The following GRXCR1 variants were observed in gnomAD, a reference collection of about 807,000 sequenced individuals.
GRXCR1 encodes glutaredoxin domain-containing cysteine-rich protein 1.
In GRXCR1, 27 loss-of-function variants were observed where a neutral mutation model predicts 27.3. The ratio of observed to expected loss-of-function variants is 0.99; its 90% CI spans 0.73 to 1.37. The LOEUF (loss-of-function observed/expected upper bound fraction) is 1.37. Ranked by LOEUF, GRXCR1 falls within the 40% of genes most tolerant of loss-of-function variation. The pLI, the probability that GRXCR1 is intolerant of heterozygous loss-of-function variation, is 0.00. For synonymous variants in GRXCR1, 122 were observed against 131.1 expected (o/e 0.93, Z 0.47); for missense variants, 379 against 354.4 (o/e 1.07, Z -0.56).
At chr4:42,924,055 C>T (rs1027215664) in intron 1 of GRXCR1, among the ~76,000 whole-genome samples, 1 of 152,058 alleles carries the variant, frequency 6.6e-6, no homozygotes, top group African/African-American at 2.4e-5. Context: ...AAGCAATTCC[C>T]TAGCTCACCT....
At chr4:42,996,335 G>C (rs1012256233) in intron 2 of GRXCR1, among the ~76,000 whole-genome samples, 30 of 152,096 alleles carry the variant, frequency 2.0e-4, no homozygotes, top group African/African-American at 7.2e-4. Context: ...ACACATTATG[G>C]CAGGATAGAA....
chr4:43,005,970 C>A (rs1187358770), intron 2 of GRXCR1, among the ~76,000 whole-genome samples: 3 of 152,168 alleles, frequency 2.0e-5, no homozygotes, highest in South Asian at 2.1e-4. Context: ...GAAGCCATGG[C>A]AGAAGAATGT....
chr4:43,030,623 G>T lies in GRXCR1; in HGVS notation c.*83G>T. 1 of 1,084,740 alleles carries T rather than the reference G, an allele frequency of 9.2e-7. No homozygotes were observed. The highest frequency in any genetic ancestry group is 1.4e-6 in the Non-Finnish European group (1 of 722,130). The allele number at this position is 1,084,740 out of a possible 1,614,324, so 67.2% of individuals were successfully genotyped here. On this transcript the variant is annotated 3_prime_UTR_variant, in exon 4 of 4. Coordinates refer to ENST00000399770, the MANE Select transcript of GRXCR1 (RefSeq NM_001080476.3). ...TATATATATATTTTTAAATGGTTAT[G>T]TTTATGGATTAATCAATAAACTTTG...
chr4:42,919,768 A>G (rs1746967544), intron 1 of GRXCR1, among the ~76,000 whole-genome samples: 1 of 152,112 alleles, frequency 6.6e-6, no homozygotes, highest in Admixed American at 6.6e-5. Context: ...CCCAGAACTC[A>G]TTCTTTATTT....
intron 2 of GRXCR1, among the ~76,000 whole-genome samples, chr4:42,995,813 A>G (rs1200093621): frequency 6.6e-6 from 1 of 152,220 alleles, no homozygotes; most frequent in Non-Finnish European, 1.5e-5. Flanking sequence ...TCCATAACAA[A>G]ATATCAGGTT....
rs971734641 is a variant in GRXCR1, at chr4:43,000,901, G to A, written c.628-19453G>A. Among the ~76,000 whole-genome samples, 7 of 151,904 alleles carry A rather than the reference G, an allele frequency of 4.6e-5. No homozygotes were observed. In the East Asian group the frequency reaches 7.7e-4, roughly 17 times the overall value. On this transcript the variant is annotated intron_variant, in intron 2 of 3. Transcript: ENST00000399770. ...TTGGACTGTATTTATAGCTATAGGT[G>A]TTTTTCTCTTTCTTCAACTTCTCTC...
At chr4:42,959,481 G>A (rs1309873183) in intron 1 of GRXCR1, among the ~76,000 whole-genome samples, 2 of 151,820 alleles carry the variant, frequency 1.3e-5, no homozygotes, top group Non-Finnish European at 2.9e-5. Context: ...TGTGCCACAT[G>A]AGGATTATAG....
chr4:42,898,731 G>C (rs1201865630), intron 1 of GRXCR1, among the ~76,000 whole-genome samples: 1 of 152,014 alleles, frequency 6.6e-6, no homozygotes, highest in Non-Finnish European at 1.5e-5. Context: ...AATTAATTAT[G>C]ATCTGAGCTT....
intron 3 of GRXCR1, among the ~76,000 whole-genome samples, chr4:43,027,401 A>C (rs1181044109): frequency 1.3e-5 from 2 of 152,210 alleles, no homozygotes; most frequent in South Asian, 2.1e-4. Context: ...TTGTTCTGAC[A>C]AGGGGATAAA....
chr4:42,987,250 T>TA (rs1414628956), intron 2 of GRXCR1, among the ~76,000 whole-genome samples: 1 of 78,574 alleles, frequency 1.3e-5, no homozygotes, highest in African/African-American at 5.1e-5. Flanking sequence ...TAATATATAA[T>TA]ATATATATAT....
At chr4:42,898,754 A>G (rs1280992562) in intron 1 of GRXCR1, among the ~76,000 whole-genome samples, 1 of 152,116 alleles carries the variant, frequency 6.6e-6, no homozygotes, top group Non-Finnish European at 1.5e-5. Context: ...TCTCTGACAG[A>G]AACATTAATT....
intron 1 of GRXCR1, among the ~76,000 whole-genome samples, chr4:42,960,802 G>C (rs892344174): frequency 1.3e-5 from 2 of 151,570 alleles, no homozygotes; most frequent in Admixed American, 6.6e-5. Flanking sequence ...CAGAGCTCAG[G>C]TATATCTGAT....
At chr4:42,949,932 C>A (rs1364294647) in intron 1 of GRXCR1, among the ~76,000 whole-genome samples, 1 of 152,144 alleles carries the variant, frequency 6.6e-6, no homozygotes, top group Non-Finnish European at 1.5e-5. Context: ...TTCTCTTCAT[C>A]ACACTGACAT....
At chr4:42,901,672 T>A (rs1434476624) in intron 1 of GRXCR1, among the ~76,000 whole-genome samples, 1 of 152,208 alleles carries the variant, frequency 6.6e-6, no homozygotes, top group Non-Finnish European at 1.5e-5. Context: ...TGGGTAGCTA[T>A]TATTCTGCCT....
chr4:43,007,539 G>A (rs1712601497), intron 2 of GRXCR1, among the ~76,000 whole-genome samples: 1 of 152,220 alleles, frequency 6.6e-6, no homozygotes, highest in South Asian at 2.1e-4. Flanking sequence ...GCATAGAGAG[G>A]AGGTTGGAGG....
At chr4:43,005,783 C>T (rs964712091) in intron 2 of GRXCR1, among the ~76,000 whole-genome samples, 1 of 152,324 alleles carries the variant, frequency 6.6e-6, no homozygotes, top group Admixed American at 6.5e-5. Flanking sequence ...TTCTTGTCTA[C>T]TGGGGAGGCC....
At chr4:43,008,959 C>G (rs547811823) in intron 2 of GRXCR1, among the ~76,000 whole-genome samples, 1 of 152,200 alleles carries the variant, frequency 6.6e-6, no homozygotes, top group Non-Finnish European at 1.5e-5. Context: ...TTTGTCATTG[C>G]GCAACCTTCC....
chr4:42,893,722 G>T, intron 1 of GRXCR1, 72 bp downstream of exon 1: 1 of 1,440,916 alleles, frequency 6.9e-7, no homozygotes, highest in Non-Finnish European at 9.7e-7. Context: ...CAGTTCTCCA[G>T]TTAAAGCAAG....
At chr4:42,927,897 G>A (rs1032632082) in intron 1 of GRXCR1, among the ~76,000 whole-genome samples, 2 of 151,964 alleles carry the variant, frequency 1.3e-5, no homozygotes, top group Non-Finnish European at 2.9e-5. Context: ...AGCCCCTGTA[G>A]GAGAGTGGGG....
Sources: gnomAD v4.1 joint callset for allele counts (sites outside exome capture counted in the v4.1 genomes callset) on GRCh38, gnomAD v4.1.1 for gene constraint, MANE v1.5 for transcripts, NCBI Gene and HGNC (gene_info 2026-07-23, HGNC 2026-07-21) for gene names.